The following PPP1R1C variants were observed in gnomAD, a reference collection of about 807,000 sequenced individuals.
PPP1R1C encodes the protein protein phosphatase 1 regulatory inhibitor subunit 1C.
Under a neutral mutation model 17.4 loss-of-function variants are expected in PPP1R1C, and 15 were observed. The observed-to-expected ratio is 0.86, with a 90% confidence interval of 0.58 to 1.33. PPP1R1C has a LOEUF of 1.33. PPP1R1C is among the 40% of genes most tolerant of loss of function. The probability of loss-of-function intolerance (pLI) is 0.00; values close to 1 mark genes in which losing one functional copy is unlikely to be tolerated. For synonymous variants in PPP1R1C, 35 were observed against 43.1 expected, an observed-to-expected ratio of 0.81 and a Z score of 0.73; for missense variants, 143 against 130.0, an observed-to-expected ratio of 1.10 and a Z score of -0.48.
downstream of PPP1R1C, among the ~76,000 whole-genome samples, chr2:182,122,094 T>C (rs1430014906): frequency 1.3e-5 from 2 of 152,172 alleles, no homozygotes; most frequent in East Asian, 1.9e-4. Flanking sequence ...TTCTATCCTC[T>C]TATACGTGAG....
chr2:182,103,939 T>G (rs1367883535), intron 4 of PPP1R1C: 1 of 152,176 alleles, frequency 6.6e-6, no homozygotes, highest in Non-Finnish European at 1.5e-5. Flanking sequence ...GGAGAATCAC[T>G]GAGGGGACCA....
At chr2:182,042,475 G>A (rs928006268) in intron 2 of PPP1R1C, among the ~76,000 whole-genome samples, 2 of 152,144 alleles carry the variant, frequency 1.3e-5, no homozygotes, top group East Asian at 1.9e-4. Context: ...GATGCATCTA[G>A]CCTACCTTGC....
At chr2:182,068,896 A>C (rs1050740416) in intron 4 of PPP1R1C, among the ~76,000 whole-genome samples, 8 of 152,192 alleles carry the variant, frequency 5.3e-5, no homozygotes, top group African/African-American at 1.9e-4. Flanking sequence ...GAATGTGACC[A>C]GTTCACTCTT....
chr2:182,059,502 A>C (rs1687786076), intron 2 of PPP1R1C, among the ~76,000 whole-genome samples: 1 of 152,100 alleles, frequency 6.6e-6, no homozygotes, highest in Non-Finnish European at 1.5e-5. Flanking sequence ...GGGAAAAAAA[A>C]GGAGACATTA....
intron 4 of PPP1R1C, among the ~76,000 whole-genome samples, chr2:182,085,719 T>C (rs999532669): frequency 6.6e-6 from 1 of 152,158 alleles, no homozygotes; most frequent in African/African-American, 2.4e-5. Context: ...CTAGTTATAT[T>C]TGTTGAAGTT....
intron 2 of PPP1R1C, among the ~76,000 whole-genome samples, chr2:182,000,588 A>G (rs1685733654): frequency 6.6e-6 from 1 of 152,176 alleles, no homozygotes; most frequent in Admixed American, 6.5e-5. Context: ...AACAGTTACC[A>G]TAGAGACATA....
chr2:182,028,046 T>C (rs1686679444), intron 2 of PPP1R1C, among the ~76,000 whole-genome samples: 1 of 130,600 alleles, frequency 7.7e-6, no homozygotes, highest in South Asian at 2.8e-4. Context: ...TTCTGTGGGA[T>C]CGGTGGTGAT....
chr2:181,997,435 C>T (rs1372461901), intron 2 of PPP1R1C, among the ~76,000 whole-genome samples: 1 of 151,736 alleles, frequency 6.6e-6, no homozygotes, highest in African/African-American at 2.4e-5. Flanking sequence ...TCTTGAAAAG[C>T]TTTGAAAATT....
intron 2 of PPP1R1C, among the ~76,000 whole-genome samples, chr2:182,017,958 T>C (rs1415474241): frequency 3.9e-5 from 6 of 152,164 alleles, no homozygotes; most frequent in Non-Finnish European, 8.8e-5. Context: ...TTATTCTAAA[T>C]TAATGTCAGA....
intron 1 of PPP1R1C, among the ~76,000 whole-genome samples, chr2:181,968,980 T>C (rs1684955895): frequency 1.3e-5 from 2 of 152,146 alleles, no homozygotes; most frequent in African/African-American, 2.4e-5. Flanking sequence ...AGAAAACAAA[T>C]AAAATCTGTA....
At chr2:182,085,855 T>C (rs1346920233) in intron 4 of PPP1R1C, among the ~76,000 whole-genome samples, 1 of 152,150 alleles carries the variant, frequency 6.6e-6, no homozygotes, top group Non-Finnish European at 1.5e-5. Context: ...ACATGTTTGT[T>C]CTACTTTGCC....
Position 182,016,811 on chromosome 2 carries a change from T to A in PPP1R1C, c.142+28912T>A, listed in dbSNP as rs545813602. ...ACAAACTGTGAGTCTGAGTTCCTGA[T>A]TTTATTGTCAGTTGTACTTATCCTT... On this transcript the variant is annotated intron_variant, in intron 2 of 4. Coordinates refer to ENST00000682840, the MANE Select transcript of PPP1R1C (RefSeq NM_001080545.3). 5.3e-5 allele frequency among the ~76,000 whole-genome samples: 8 copies of A among 152,330 alleles called. No individual in the cohort carries two copies. In the South Asian group the frequency reaches 1.0e-3, roughly 20 times the overall value.
intron 2 of PPP1R1C, among the ~76,000 whole-genome samples, chr2:182,019,628 A>G (rs1403507883): frequency 6.6e-6 from 1 of 152,314 alleles, no homozygotes; most frequent in East Asian, 1.9e-4. Context: ...TCTTTTCCCC[A>G]TTTTTGAAGA....
At chr2:181,965,108 C>A (rs960898553) in intron 1 of PPP1R1C, among the ~76,000 whole-genome samples, 2 of 152,190 alleles carry the variant, frequency 1.3e-5, no homozygotes, top group Admixed American at 6.5e-5. Context: ...TTTGATAAAT[C>A]TGTATTCAGA....
At chr2:181,986,800 C>T (rs1233394824) in intron 1 of PPP1R1C, among the ~76,000 whole-genome samples, 2 of 152,130 alleles carry the variant, frequency 1.3e-5, no homozygotes, top group Admixed American at 6.5e-5. Flanking sequence ...TATTGGTTTA[C>T]ATCTGTATCA....
At chr2:181,996,558 T>C (rs886974259) in intron 2 of PPP1R1C, among the ~76,000 whole-genome samples, 1 of 152,230 alleles carries the variant, frequency 6.6e-6, no homozygotes, top group Non-Finnish European at 1.5e-5. Context: ...ACAAAGCCAT[T>C]TGTGAAATAA....
At chr2:182,100,374 G>C (rs375756682) in intron 4 of PPP1R1C, among the ~76,000 whole-genome samples, 118 of 152,128 alleles carry the variant, frequency 7.8e-4, no homozygotes, top group African/African-American at 2.7e-3. Context: ...GCTGGGCATG[G>C]TGGTGCGTGC....
At chr2:182,111,531 CTTG>C (rs1488480471) in intron 4 of PPP1R1C, among the ~76,000 whole-genome samples, 3 of 151,906 alleles carry the variant, frequency 2.0e-5, no homozygotes, top group African/African-American at 7.3e-5. Context: ...CAATATGTCC[CTTG>C]TTGTCTGTGA....
At chr2:182,089,176 A>G (rs1688713264) in intron 4 of PPP1R1C, among the ~76,000 whole-genome samples, 1 of 152,198 alleles carries the variant, frequency 6.6e-6, no homozygotes, top group Admixed American at 6.5e-5. Flanking sequence ...GAGCCAGACA[A>G]TTCTGAAATA....
Sources: allele counts gnomAD v4.1 joint callset (sites outside exome capture counted in the v4.1 genomes callset), GRCh38; gene constraint gnomAD v4.1.1; transcripts MANE v1.5; gene names NCBI Gene and HGNC (gene_info 2026-07-23, HGNC 2026-07-21).